Variants in GDNF observed in about 807,000 individuals in gnomAD.
GDNF encodes glial cell derived neurotrophic factor.
In GDNF, 5 loss-of-function variants were observed where a neutral mutation model predicts 13.7. The ratio of observed to expected loss-of-function variants is 0.36; its 90% CI spans 0.19 to 0.77. The LOEUF (loss-of-function observed/expected upper bound fraction) is 0.77. GDNF is among the 30% of genes least tolerant of loss of function. The pLI is 0.51. For synonymous variants in GDNF, 122 were observed against 112.5 expected, an observed-to-expected ratio of 1.08 and a Z score of -0.53; for missense variants, 246 against 274.3, an observed-to-expected ratio of 0.90 and a Z score of 0.73.
At chr5:37,816,270 AC>A in intron 2 of GDNF, 135 bp from the exon 3 acceptor site, 1 of 813,520 alleles carries the variant, frequency 1.2e-6, no homozygotes, top group Non-Finnish European at 2.0e-6. Flanking sequence ...AAGCTATAGG[AC>A]CACTGTAATC....
rs1278189640 is a variant in GDNF, at chr5:37,837,619, TATC to T, written c.-27+1885_-27+1887del. 6.6e-6 allele frequency among the ~76,000 whole-genome samples: 1 copy of T among 152,152 alleles called. No homozygotes were observed. The highest frequency in any genetic ancestry group is 1.5e-5 in the Non-Finnish European group (1 of 68,032). Reference sequence around the variant, plus strand: ...CGCCCACGCGGCCCGGAGGCTGTGTTATCATTTTAGTTATAAAACCGGAGAACC... The same window carrying T: ...CGCCCACGCGGCCCGGAGGCTGTGTTATTTTAGTTATAAAACCGGAGAACC... On this transcript the variant is annotated intron_variant, in intron 1 of 2. Coordinates refer to ENST00000326524, the MANE Select transcript of GDNF (RefSeq NM_000514.4). The surrounding 1 kb of genome is among the most constrained non-coding windows in gnomAD (Gnocchi z 6.5).
intron 2 of GDNF, among the ~76,000 whole-genome samples, chr5:37,832,441 G>T (rs1490002647): frequency 6.6e-6 from 1 of 152,186 alleles, no homozygotes; most frequent in Non-Finnish European, 1.5e-5. Context: ...TATCTGGAAA[G>T]AAGTCAATTT....
In GDNF at chr5:37,815,398, C is replaced by A; in HGVS notation, c.*253G>T. On this transcript the variant is annotated 3_prime_UTR_variant, in exon 3 of 3. Coordinates refer to ENST00000326524, the MANE Select transcript of GDNF (RefSeq NM_000514.4). The surrounding 1 kb of genome is among the most constrained non-coding windows in gnomAD (Gnocchi z 5.0). Reference sequence around the variant, plus strand: ...AGCTTCTAGTGACATCGGCTGCCATCCTGGAGAATCCAGAGGGCTGTTTTC... The same window carrying A: ...AGCTTCTAGTGACATCGGCTGCCATACTGGAGAATCCAGAGGGCTGTTTTC... 1 of 557,522 alleles carries A rather than the reference C, an allele frequency of 1.8e-6. No individual in the cohort carries two copies. Among genetic ancestry groups the A allele is most frequent in the East Asian group, 3.1e-5 (1 of 32,432 alleles). The allele number at this position is 557,522 out of a possible 1,614,324, so 34.5% of individuals were successfully genotyped here. A position where few individuals can be genotyped will look rare whatever the true frequency, so the allele number is the denominator to read the frequency against.
chr5:37,839,944 T>C lies in GDNF; in HGVS notation c.-464A>G, dbSNP rs1452220019. The C allele has an allele frequency of 6.6e-6, 1 of 152,330 alleles. No individual in the cohort carries two copies. Among genetic ancestry groups the C allele is most frequent in the East Asian group, 1.9e-4 (1 of 5,180 alleles). 9.4% of individuals were successfully genotyped at this position (152,330 alleles called of 1,614,324 possible). Reference sequence around the variant, plus strand: ...ACGAGACTGGTTTGTCTGATGCTGCTGCCGGAGCTGAGGTCTTGCCTGGAG... The same window carrying C: ...ACGAGACTGGTTTGTCTGATGCTGCCGCCGGAGCTGAGGTCTTGCCTGGAG... On this transcript the variant is annotated 5_prime_UTR_variant, in exon 1 of 3. Coordinates refer to ENST00000326524, the MANE Select transcript of GDNF (RefSeq NM_000514.4). The surrounding 1 kb of genome is among the most constrained non-coding windows in gnomAD (Gnocchi z 5.5).
At position 37,838,505 on chromosome 5, in the gene GDNF, C is replaced by T. The variant is rs1243187019; in HGVS notation, c.-27+1002G>A. On this transcript the variant is annotated intron_variant, in intron 1 of 2. Coordinates refer to ENST00000326524, the MANE Select transcript of GDNF (RefSeq NM_000514.4). This position sits in a 1 kb window ranked among gnomAD's most constrained non-coding sequence, Gnocchi z 4.1. ...CCGCAGCAGGGGCCGGAAGAGTTGCCTTTGTCCCCGCCTATGAGCAGAAGG... is the reference window on the plus strand; with the variant it reads ...CCGCAGCAGGGGCCGGAAGAGTTGCTTTTGTCCCCGCCTATGAGCAGAAGG... Among the ~76,000 whole-genome samples the T allele has an allele frequency of 6.6e-6, 1 of 152,218 alleles. No homozygotes were observed. The highest frequency in any genetic ancestry group is 2.4e-5 in the African/African-American group (1 of 41,458).
intron 2 of GDNF, 127 bp downstream of exon 2, chr5:37,834,519 C>T: frequency 1.1e-6 from 1 of 878,420 alleles, no homozygotes; most frequent in Middle Eastern, 3.6e-4. Flanking sequence ...GCACCCGCAC[C>T]CCTTGCCCAC....
chr5:37,836,541 G>C (rs890571770), intron 1 of GDNF, among the ~76,000 whole-genome samples: 2 of 152,188 alleles, frequency 1.3e-5, no homozygotes, highest in African/African-American at 4.8e-5. Flanking sequence ...TTGCAAACTC[G>C]GGAAAAAGCT....
intron 2 of GDNF, among the ~76,000 whole-genome samples, chr5:37,821,570 C>G (rs1280333438): frequency 6.6e-6 from 1 of 152,162 alleles, no homozygotes; most frequent in East Asian, 1.9e-4. Context: ...TTAAGCTATC[C>G]TTCAGAGTGC....
chr5:37,835,008 G>A, intron 1 of GDNF, 186 bp from the exon 2 acceptor site: 1 of 604,450 alleles, frequency 1.7e-6, no homozygotes, highest in Non-Finnish European at 2.9e-6. Flanking sequence ...CCTCCTCAGC[G>A]CGCCCCAGGA....
intron 2 of GDNF, among the ~76,000 whole-genome samples, chr5:37,827,995 T>C (rs1750388085): frequency 6.6e-6 from 1 of 152,222 alleles, no homozygotes; most frequent in Non-Finnish European, 1.5e-5. Context: ...AAAACCATGC[T>C]TCTCTACTTC....
At position 37,815,380 on chromosome 5, in the gene GDNF, A is replaced by G. The variant is rs904038862; in HGVS notation, c.*271T>C. 3 of 521,296 alleles carry G rather than the reference A, an allele frequency of 5.8e-6. No homozygotes were observed. The highest frequency in any genetic ancestry group is 1.0e-5 in the Non-Finnish European group (3 of 287,630). The allele number at this position is 521,296 out of a possible 1,614,324, so 32.3% of individuals were successfully genotyped here. A position where few individuals can be genotyped will look rare whatever the true frequency, so the allele number is the denominator to read the frequency against. ...CCAGGAACATCAGCCCTGAGCTTCTAGTGACATCGGCTGCCATCCTGGAGA... is the reference window on the plus strand; with the variant it reads ...CCAGGAACATCAGCCCTGAGCTTCTGGTGACATCGGCTGCCATCCTGGAGA... On this transcript the variant is annotated 3_prime_UTR_variant, in exon 3 of 3. Transcript: ENST00000326524. This position sits in a 1 kb window ranked among gnomAD's most constrained non-coding sequence, Gnocchi z 5.0.
chr5:37,820,562 C>T (rs1436414352), intron 2 of GDNF, among the ~76,000 whole-genome samples: 2 of 152,052 alleles, frequency 1.3e-5, no homozygotes, highest in East Asian at 3.9e-4. Context: ...AAGAGTGAAC[C>T]CCAATGTCAA....
At chr5:37,824,468 T>C (rs1464858897) in intron 2 of GDNF, 3 of 152,186 alleles carry the variant, frequency 2.0e-5, no homozygotes, top group Non-Finnish European at 4.4e-5. Context: ...TCAACTCTTG[T>C]TCTTATTTGA....
rs137954947 is a variant in GDNF, at chr5:37,836,914, A to T, written c.-26-2092T>A. Among the ~76,000 whole-genome samples the T allele has an allele frequency of 4.3e-3, 650 of 152,340 alleles. 9 individuals carry two copies. Among genetic ancestry groups the T allele is most frequent in the African/African-American group, 0.015 (613 of 41,588 alleles). On this transcript the variant is annotated intron_variant, in intron 1 of 2. Transcript: ENST00000326524. ...TGTGGCGAAGCTGGCAAAAGACTAC[A>T]CAGTGGAAAACTCCCCGCGTCGCCA...
intron 2 of GDNF, 53 bp from the exon 3 acceptor site, chr5:37,816,188 G>C: frequency 6.2e-7 from 1 of 1,600,604 alleles, no homozygotes; most frequent in Non-Finnish European, 8.5e-7. Context: ...ATCATTTCAA[G>C]CCGTCTTCAA....
chr5:37,834,856 C>T, intron 1 of GDNF, 34 bp from the exon 2 acceptor site: 1 of 1,598,542 alleles, frequency 6.3e-7, no homozygotes, highest in Non-Finnish European at 8.6e-7. Flanking sequence ...GGGAGAGAAC[C>T]GCAGAATGCA....
At position 37,837,926 on chromosome 5, in the gene GDNF, C is replaced by G. The variant is rs528552175; in HGVS notation, c.-27+1581G>C. ...GGGAGGTTTGTTTGGGCTTTGCCTT[C>G]AAGATCCAGGTCTCAGAGAGAGAAA... On this transcript the variant is annotated intron_variant, in intron 1 of 2. Coordinates refer to ENST00000326524, the MANE Select transcript of GDNF (RefSeq NM_000514.4). This position sits in a 1 kb window ranked among gnomAD's most constrained non-coding sequence, Gnocchi z 6.5. 2.0e-5 allele frequency among the ~76,000 whole-genome samples: 3 copies of G among 151,334 alleles called. No homozygotes were observed. Among genetic ancestry groups the G allele is most frequent in the Non-Finnish European group, 4.4e-5 (3 of 67,934 alleles).
At position 37,834,822 on chromosome 5, in the gene GDNF, C is replaced by A. The variant is rs1348074191; in HGVS notation, c.-26G>T. 1.2e-6 allele frequency: 2 copies of A among 1,612,472 alleles called. No homozygotes were observed. The highest frequency in any genetic ancestry group is 1.7e-6 in the Non-Finnish European group (2 of 1,179,292). ...CTTAAAGTCCCGTCCGGCGGCGGCA[C>A]CTGCGCGGGCAGGCGGGAGGTGGGG... On this transcript the variant is annotated splice_region_variant and 5_prime_UTR_variant, in exon 2 of 3. Coordinates refer to ENST00000326524, the MANE Select transcript of GDNF (RefSeq NM_000514.4).
intron 2 of GDNF, among the ~76,000 whole-genome samples, chr5:37,829,435 G>C (rs1338303633): frequency 6.6e-6 from 1 of 152,156 alleles, no homozygotes; most frequent in African/African-American, 2.4e-5. Flanking sequence ...CTATCTGACT[G>C]ACATTCTATT....
Sources: gnomAD v4.1 joint callset for allele counts (sites outside exome capture counted in the v4.1 genomes callset) on GRCh38, gnomAD v4.1.1 for gene constraint, Gnocchi (gnomAD v3.1) non-coding constraint, MANE v1.5 for transcripts, NCBI Gene and HGNC (gene_info 2026-07-23, HGNC 2026-07-21) for gene names.